WDFY2: variants seen among roughly 807,000 people sequenced by gnomAD.
WDFY2 encodes WD repeat and FYVE domain containing 2, also known as WD repeat and FYVE domain-containing protein 2.
In WDFY2, 36 loss-of-function variants were observed where a neutral mutation model predicts 56.4. The observed-to-expected ratio is 0.64, with a 90% confidence interval of 0.49 to 0.84. WDFY2 has a LOEUF of 0.84. Ranked by LOEUF, WDFY2 falls within the 40% of genes least tolerant of loss-of-function variation. WDFY2 has a pLI of 0.00. For missense variants in WDFY2, 444 were observed against 512.2 expected (o/e 0.87, Z 1.29); for synonymous variants, 176 against 183.7 (o/e 0.96, Z 0.34).
intron 1 of WDFY2, among the ~76,000 whole-genome samples, chr13:51,603,082 T>C (rs1306531204): frequency 6.6e-6 from 1 of 152,126 alleles, no homozygotes; most frequent in South Asian, 2.1e-4. Context: ...TTATGACTGA[T>C]ACAAAGTGCT....
intron 2 of WDFY2, among the ~76,000 whole-genome samples, chr13:51,663,975 T>C (rs1180742755): frequency 6.6e-6 from 1 of 152,256 alleles, no homozygotes; most frequent in East Asian, 1.9e-4. Context: ...AAAATACCTT[T>C]TAAATATAGT....
Position 51,766,666 on chromosome 13 carries a change from T to C in WDFY2, c.*6897T>C, listed in dbSNP as rs1295109788. On this transcript the variant is annotated 3_prime_UTR_variant, in exon 12 of 12. Transcript: ENST00000298125. ...ATCAAATGCTGCTGAATATTGTGAA[T>C]GTTTTTACTCCGCTCACTTTCCCAC... The C allele has an allele frequency of 6.6e-6, 1 of 152,272 alleles. No individual in the cohort carries two copies. Among genetic ancestry groups the C allele is most frequent in the Non-Finnish European group, 1.5e-5 (1 of 68,052 alleles). The allele number at this position is 152,272 out of a possible 1,614,324, so 9.4% of individuals were successfully genotyped here.
chr13:51,729,780 A>C (rs540560388), intron 6 of WDFY2, among the ~76,000 whole-genome samples: 1 of 152,340 alleles, frequency 6.6e-6, no homozygotes, highest in Non-Finnish European at 1.5e-5. Flanking sequence ...GTTCCTTCTT[A>C]TTCTCTTAAT....
chr13:51,675,001 G>C (rs1020865724), intron 2 of WDFY2, among the ~76,000 whole-genome samples, 169 bp from the exon 3 acceptor site: 1 of 152,146 alleles, frequency 6.6e-6, no homozygotes, highest in Non-Finnish European at 1.5e-5. Flanking sequence ...ACAACTATGG[G>C]GTGGCTGTAA....
intron 4 of WDFY2, among the ~76,000 whole-genome samples, chr13:51,713,757 G>A (rs190125435): frequency 6.7e-6 from 1 of 148,980 alleles, no homozygotes; most frequent in African/African-American, 2.5e-5. Context: ...TGATGCAAGG[G>A]AATTGCTTGA....
chr13:51,655,259 T>G (rs1955486208), intron 1 of WDFY2, among the ~76,000 whole-genome samples: 1 of 152,212 alleles, frequency 6.6e-6, no homozygotes. Context: ...GTGATGAAAT[T>G]GAGCATCCTT....
chr13:51,655,684 T>C (rs151222376), intron 1 of WDFY2, among the ~76,000 whole-genome samples: 1 of 152,274 alleles, frequency 6.6e-6, no homozygotes, highest in East Asian at 1.9e-4. Context: ...TAGAATGTGT[T>C]ATAAAGTATT....
chr13:51,633,550 C>CGCTCT (rs2138385601), intron 1 of WDFY2, among the ~76,000 whole-genome samples: 1 of 152,248 alleles, frequency 6.6e-6, no homozygotes, highest in South Asian at 2.1e-4. Context: ...TTGGCCTCTC[C>CGCTCT]GCTCACTCTG....
intron 1 of WDFY2, chr13:51,586,655 G>A (rs971095922): frequency 3.9e-5 from 6 of 152,148 alleles, no homozygotes; most frequent in Non-Finnish European, 4.4e-5. Context: ...AGACGCTGAA[G>A]TAGTGTATAT....
At chr13:51,695,962 G>T (rs1445255695) in intron 3 of WDFY2, among the ~76,000 whole-genome samples, 2 of 152,232 alleles carry the variant, frequency 1.3e-5, no homozygotes, top group African/African-American at 2.4e-5. Flanking sequence ...AAGACTGTGG[G>T]CGTAGGACCC....
intron 3 of WDFY2, among the ~76,000 whole-genome samples, chr13:51,692,777 T>C (rs969904339): frequency 6.6e-6 from 1 of 152,206 alleles, no homozygotes; most frequent in Non-Finnish European, 1.5e-5. Context: ...TGGTACCAGT[T>C]CCTCCTTGTA....
chr13:51,639,237 T>C (rs1955110947), intron 1 of WDFY2, among the ~76,000 whole-genome samples: 1 of 152,160 alleles, frequency 6.6e-6, no homozygotes. Context: ...TAGAAGCTTA[T>C]GGGAAAGGCT....
At chr13:51,625,116 G>A (rs1270193799) in intron 1 of WDFY2, among the ~76,000 whole-genome samples, 1 of 152,198 alleles carries the variant, frequency 6.6e-6, no homozygotes, top group Non-Finnish European at 1.5e-5. Flanking sequence ...GCCAGAGGCT[G>A]GAGGACCAGT....
At chr13:51,738,975 C>A (rs988723950) in intron 6 of WDFY2, 74 bp from the exon 7 acceptor site, 2 of 1,397,138 alleles carry the variant, frequency 1.4e-6, no homozygotes, top group Non-Finnish European at 1.9e-6. Flanking sequence ...GTTCTGTCTC[C>A]GCTGCATTCA....
intron 6 of WDFY2, among the ~76,000 whole-genome samples, chr13:51,733,589 TTGAC>T (rs1179678015): frequency 1.3e-5 from 2 of 152,142 alleles, no homozygotes; most frequent in South Asian, 2.1e-4. Context: ...AGGTGGTAGA[TTGAC>T]TGGGAACAGA....
chr13:51,660,951 C>T (rs1955601074), intron 2 of WDFY2, among the ~76,000 whole-genome samples: 1 of 152,130 alleles, frequency 6.6e-6, no homozygotes, highest in Non-Finnish European at 1.5e-5. Context: ...ACTTTTTGTT[C>T]AGCTATTTTG....
Position 51,724,263 on chromosome 13 carries a change from G to T in WDFY2, c.486-3415G>T, listed in dbSNP as rs1247356572. 1.2e-3 allele frequency among the ~76,000 whole-genome samples: 158 copies of T among 126,982 alleles called. 1 individual carries two copies. The highest frequency in any genetic ancestry group is 4.7e-3 in the African/African-American group (151 of 32,396). The allele number at this position is 126,982 out of a possible 152,430, so 83.3% of individuals were successfully genotyped here. A position where few individuals can be genotyped will look rare whatever the true frequency, so the allele number is the denominator to read the frequency against. ...TTTTTTTTTTTTTTTTTGAGATGGCGTTTCACTCTTGCCATCCAGGCTGGA... is the reference window on the plus strand; with the variant it reads ...TTTTTTTTTTTTTTTTTGAGATGGCTTTTCACTCTTGCCATCCAGGCTGGA... On this transcript the variant is annotated intron_variant, in intron 5 of 11. Coordinates refer to ENST00000298125, the MANE Select transcript of WDFY2 (RefSeq NM_052950.4).
chr13:51,666,726 T>A (rs956411227), intron 2 of WDFY2, among the ~76,000 whole-genome samples: 15 of 151,502 alleles, frequency 9.9e-5, no homozygotes, highest in African/African-American at 3.1e-4. Flanking sequence ...ACACACACAC[T>A]CTCTCTCTCT....
At chr13:51,592,914 G>C (rs1006079909) in intron 1 of WDFY2, among the ~76,000 whole-genome samples, 1 of 152,176 alleles carries the variant, frequency 6.6e-6, no homozygotes, top group Non-Finnish European at 1.5e-5. Context: ...CTTGAGGCCA[G>C]GAGTTCAAGA....
Sources: allele counts gnomAD v4.1 joint callset (sites outside exome capture counted in the v4.1 genomes callset), GRCh38; gene constraint gnomAD v4.1.1; transcripts MANE v1.5; gene names NCBI Gene and HGNC (gene_info 2026-07-23, HGNC 2026-07-21).